The following RSPH14 variants were observed in gnomAD, a reference collection of about 807,000 sequenced individuals.
RSPH14 encodes the protein radial spoke head 14 homolog.
RSPH14 carries 20 observed loss-of-function variants against 26.7 expected under a neutral mutation model. The ratio of observed to expected loss-of-function variants is 0.75; its 90% CI spans 0.53 to 1.09. RSPH14 has a LOEUF of 1.09. Among genes scored for constraint, RSPH14 ranks in the 50% least tolerant of loss-of-function variants. The pLI is 0.00. For synonymous variants in RSPH14, 177 were observed against 189.3 expected, an observed-to-expected ratio of 0.93 and a Z score of 0.53; for missense variants, 449 against 457.2, an observed-to-expected ratio of 0.98 and a Z score of 0.16.
intron 1 of RSPH14, among the ~76,000 whole-genome samples, chr22:23,141,327 C>CAAAAAAAAAAAAAAAAAAAAAAAGAAAAA (rs35460609): frequency 1.2e-5 from 1 of 82,322 alleles, no homozygotes; most frequent in Non-Finnish European, 2.4e-5. Context: ...GACTCCGTCT[C>CAAAAAAAAAAAAAAAAAAAAAAAGAAAAA]AAAAAAAAAA....
intron 4 of RSPH14, among the ~76,000 whole-genome samples, chr22:23,091,352 C>T (rs904448619): frequency 3.3e-5 from 5 of 152,046 alleles, no homozygotes; most frequent in Non-Finnish European, 7.4e-5. Flanking sequence ...ACATAGGCAC[C>T]TATGCATACA....
chr22:23,140,409 G>A lies in RSPH14; in HGVS notation c.12C>T (p.Ser4=). 1 of 1,614,108 alleles carries A rather than the reference G, an allele frequency of 6.2e-7. No homozygotes were observed. The highest frequency in any genetic ancestry group is 8.5e-7 in the Non-Finnish European group (1 of 1,180,012). Residue 4 remains serine (S), a synonymous_variant, in exon 2 of 7, where the codon TCC becomes TCT. Transcript: ENST00000216036. MAH[S]QNSLELPINI... is the part of the protein sequence containing the mutation. ...TAATGGGAAGCTCCAAGGAGTTCTGGGAATGGGCCATCTTTCCCCAACTAC... is the reference window on the plus strand; with the variant it reads ...TAATGGGAAGCTCCAAGGAGTTCTGAGAATGGGCCATCTTTCCCCAACTAC...
At chr22:23,091,031 C>T (rs1434739028) in intron 4 of RSPH14, among the ~76,000 whole-genome samples, 1 of 152,216 alleles carries the variant, frequency 6.6e-6, no homozygotes, top group Non-Finnish European at 1.5e-5. Flanking sequence ...TTCCTCCTCT[C>T]CAGGGCATCT....
At chr22:23,102,350 A>C (rs2069327968) in intron 4 of RSPH14, among the ~76,000 whole-genome samples, 1 of 152,146 alleles carries the variant, frequency 6.6e-6, no homozygotes, top group South Asian at 2.1e-4. Context: ...CCTGGCACCT[A>C]TTTGAGGCCC....
intron 4 of RSPH14, among the ~76,000 whole-genome samples, chr22:23,107,467 A>G (rs2069516203): frequency 6.6e-6 from 1 of 152,166 alleles, no homozygotes; most frequent in African/African-American, 2.4e-5. Flanking sequence ...CCAGGGCCTG[A>G]GAGTGTCTGA....
chr22:23,102,287 C>A (rs1013834326), intron 4 of RSPH14, among the ~76,000 whole-genome samples: 1 of 152,222 alleles, frequency 6.6e-6, no homozygotes, highest in African/African-American at 2.4e-5. Context: ...GATGCTGGCT[C>A]AAGCCCAAGA....
chr22:23,128,126 G>T (rs546100607), intron 4 of RSPH14, among the ~76,000 whole-genome samples: 5 of 152,348 alleles, frequency 3.3e-5, no homozygotes, highest in Admixed American at 2.0e-4. Context: ...CAGGACCAGT[G>T]GGATGGTAGA....
chr22:23,147,431 G>A (rs1338074587), upstream of RSPH14, among the ~76,000 whole-genome samples: 2 of 151,984 alleles, frequency 1.3e-5, no homozygotes, highest in Non-Finnish European at 2.9e-5. Context: ...CTGGGCTGAA[G>A]CAATCCTTCT....
chr22:23,112,993 G>A (rs756123394), intron 4 of RSPH14, among the ~76,000 whole-genome samples: 1 of 152,202 alleles, frequency 6.6e-6, no homozygotes, highest in Non-Finnish European at 1.5e-5. Flanking sequence ...CAGGTCTGAC[G>A]TGGCCCATTT....
chr22:23,064,077 C>A lies in RSPH14; in HGVS notation c.478G>T (p.Val160Leu), dbSNP rs748195023. 11 of 1,614,198 alleles carry A rather than the reference C, an allele frequency of 6.8e-6. No homozygotes were observed. In the Admixed American group the frequency reaches 1.2e-4, roughly 17 times the overall value. Reference sequence around the variant, plus strand: ...TGGAACTCCTCCTCCTCCACCTCCACCTGCAGCTTCCATACCAGTGAGGAA... The same window carrying A: ...TGGAACTCCTCCTCCTCCACCTCCAACTGCAGCTTCCATACCAGTGAGGAA... ...LISSLVWKLQVEVEEEEFQEF... is the reference protein window; with the variant it reads ...LISSLVWKLQLEVEEEEFQEF... Residue 160 changes from valine (V) to leucine (L), a missense_variant, in exon 5 of 7, where the codon GTG becomes TTG. Physicochemically the swap from Val to Leu is conservative, Grantham distance 32. Transcript: ENST00000216036.
chr22:23,090,424 G>A (rs1015534519), intron 4 of RSPH14, among the ~76,000 whole-genome samples: 2 of 152,122 alleles, frequency 1.3e-5, no homozygotes, highest in African/African-American at 4.8e-5. Context: ...CTGGATGTTT[G>A]CATCCAGGAG....
chr22:23,152,960 C>G, the RSPH14 span: 1 of 1,050,770 alleles, frequency 9.5e-7, no homozygotes, highest in Non-Finnish European at 1.5e-6. Flanking sequence ...TAAAGACTTG[C>G]AGTGTTACAA....
intron 4 of RSPH14, among the ~76,000 whole-genome samples, chr22:23,121,865 G>T (rs981360543): frequency 1.4e-4 from 22 of 152,012 alleles, no homozygotes; most frequent in African/African-American, 5.3e-4. Flanking sequence ...GGGATTACAG[G>T]TGTCTGCCAC....
At chr22:23,122,364 C>CT (rs1445628410) in intron 4 of RSPH14, 1 of 152,658 alleles carries the variant, frequency 6.6e-6, no homozygotes, top group Non-Finnish European at 1.5e-5. Context: ...TCTGCATGTA[C>CT]TGAGAGCTCT....
At chr22:23,108,745 C>T (rs888526415) in intron 4 of RSPH14, among the ~76,000 whole-genome samples, 1 of 152,236 alleles carries the variant, frequency 6.6e-6, no homozygotes, top group Admixed American at 6.5e-5. Context: ...ACCTTTCTTC[C>T]CAGGCAGGAG....
At chr22:23,150,304 C>CTTTT in the RSPH14 span, 2 of 444,514 alleles carry the variant, frequency 4.5e-6, no homozygotes, top group East Asian at 4.2e-5. Flanking sequence ...TTTTTTTTTT[C>CTTTT]TTTTTTTTTT....
chr22:23,133,450 C>T (rs2067174224), intron 4 of RSPH14, among the ~76,000 whole-genome samples: 1 of 152,154 alleles, frequency 6.6e-6, no homozygotes, highest in African/African-American at 2.4e-5. Context: ...AAGGGTAATA[C>T]CCAGTATGGG....
the RSPH14 span, among the ~76,000 whole-genome samples, chr22:23,166,016 C>G: frequency 9.9e-5 from 15 of 151,698 alleles, no homozygotes; most frequent in South Asian, 2.9e-3. Flanking sequence ...CATGGTGGCA[C>G]GCACCTGTAG....
upstream of RSPH14, chr22:23,145,562 T>C (rs1386211183): frequency 1.9e-6 from 3 of 1,596,444 alleles, no homozygotes; most frequent in South Asian, 3.3e-5. Flanking sequence ...GTGAGTCAGC[T>C]CGCCCACTCT....
Sources: gnomAD v4.1 joint callset for allele counts (sites outside exome capture counted in the v4.1 genomes callset) on GRCh38, gnomAD v4.1.1 for gene constraint, MANE v1.5 for transcripts, NCBI Gene and HGNC (gene_info 2026-07-23, HGNC 2026-07-21) for gene names.